The following PEX14 variants were observed in gnomAD, a reference collection of about 807,000 sequenced individuals.
PEX14 encodes peroxisomal biogenesis factor 14.
A neutral mutation model predicts 49.5 loss-of-function variants in PEX14; 15 were observed. The observed-to-expected ratio is 0.30, with a 90% CI of 0.20 to 0.47. The LOEUF (loss-of-function observed/expected upper bound fraction) is 0.47, where lower values mean the gene tolerates loss of function less well. Among genes scored for constraint, PEX14 ranks in the 20% least tolerant of loss-of-function variants. The pLI is 1.00. For missense variants in PEX14, 398 were observed against 494.8 expected, an observed-to-expected ratio of 0.80 and a Z score of 1.86; for synonymous variants, 210 against 212.7, an observed-to-expected ratio of 0.99 and a Z score of 0.11.
chr1:10,496,768 G>A (rs989892386), intron 2 of PEX14, among the ~76,000 whole-genome samples: 15 of 151,654 alleles, frequency 9.9e-5, no homozygotes, highest in African/African-American at 3.6e-4. Context: ...TTGGTTGGTT[G>A]TATTTTTATT....
At chr1:10,520,780 G>A (rs1638262443) in intron 2 of PEX14, among the ~76,000 whole-genome samples, 1 of 152,134 alleles carries the variant, frequency 6.6e-6, no homozygotes, top group African/African-American at 2.4e-5. Flanking sequence ...CCCAATTTCT[G>A]CATGTTTATG....
chr1:10,627,401 C>G, intron 8 of PEX14, 38 bp downstream of exon 8: 1 of 1,429,216 alleles, frequency 7.0e-7, no homozygotes, highest in East Asian at 2.3e-5. Context: ...CTGGTCGGGC[C>G]TGGAAAGGAG....
At chr1:10,604,129 AG>A (rs1404497884) in intron 4 of PEX14, among the ~76,000 whole-genome samples, 1 of 152,214 alleles carries the variant, frequency 6.6e-6, no homozygotes, top group East Asian at 1.9e-4. Context: ...CCCGTCTGGT[AG>A]GAAAGACGGT....
At position 10,514,392 on chromosome 1, in the gene PEX14, A is replaced by G. The variant is rs1391748545; in HGVS notation, c.84+19071A>G. 1.3e-5 allele frequency among the ~76,000 whole-genome samples: 2 copies of G among 152,224 alleles called. No individual in the cohort carries two copies. The highest frequency in any genetic ancestry group is 2.1e-4 in the South Asian group (1 of 4,830). On this transcript the variant is annotated intron_variant, in intron 2 of 8. Coordinates refer to ENST00000356607, the MANE Select transcript of PEX14 (RefSeq NM_004565.3). This position sits in a 1 kb window ranked among gnomAD's most constrained non-coding sequence, Gnocchi z 4.4. ...GAAAGATGCCATAGTGAGGTGTGCT[A>G]TACTGTGTTGTTTGTGCACGTGTGT...
chr1:10,550,270 G>A (rs149092561), intron 3 of PEX14, among the ~76,000 whole-genome samples: 6 of 152,318 alleles, frequency 3.9e-5, no homozygotes, highest in Non-Finnish European at 8.8e-5. Context: ...CTCCAAGGCA[G>A]GAAAGGAGCT....
At chr1:10,562,633 A>G (rs541970796) in intron 3 of PEX14, among the ~76,000 whole-genome samples, 3 of 152,312 alleles carry the variant, frequency 2.0e-5, no homozygotes, top group South Asian at 2.1e-4. Flanking sequence ...ATAAAAGGAC[A>G]TTGATTTTGA....
intron 3 of PEX14, among the ~76,000 whole-genome samples, chr1:10,576,759 CTT>C (rs374589674): frequency 1.0e-4 from 14 of 139,534 alleles, no homozygotes; most frequent in Admixed American, 1.4e-4. Context: ...AATTGCTGTA[CTT>C]TTTTTTTTTT....
intron 2 of PEX14, chr1:10,535,966 G>A (rs898859644): frequency 1.3e-5 from 6 of 475,568 alleles, no homozygotes; most frequent in South Asian, 2.0e-5. Flanking sequence ...AGGAAGGATC[G>A]TCGCAGGCCT....
chr1:10,616,236 C>T (rs1244845761), intron 4 of PEX14, among the ~76,000 whole-genome samples: 1 of 152,134 alleles, frequency 6.6e-6, no homozygotes, highest in African/African-American at 2.4e-5. Flanking sequence ...TTGGATCCGC[C>T]TGGTGGGGCT....
At chr1:10,536,803 A>C (rs971071191) in intron 3 of PEX14, among the ~76,000 whole-genome samples, 2 of 152,252 alleles carry the variant, frequency 1.3e-5, no homozygotes, top group East Asian at 1.9e-4. Flanking sequence ...GTATTTCTGT[A>C]AACAGGGATA....
intron 4 of PEX14, among the ~76,000 whole-genome samples, chr1:10,604,543 C>A (rs762554269): frequency 2.0e-5 from 3 of 152,012 alleles, no homozygotes; most frequent in Non-Finnish European, 2.9e-5. Context: ...CCCAGGAGAT[C>A]GAGTCTGCAG....
chr1:10,623,160 C>CT lies in PEX14; in HGVS notation c.487+41dup. 7.3e-7 allele frequency: 1 copy of CT among 1,379,150 alleles called. No homozygotes were observed. The allele number at this position is 1,379,150 out of a possible 1,614,324, so 85.4% of individuals were successfully genotyped here. A position where few individuals can be genotyped will look rare whatever the true frequency, so the allele number is the denominator to read the frequency against. ...ACTCCATCAAGTCACCCCTCACAGC[C>CT]TTCTCCAAGCAGCCCCTTCTCTGCC... On this transcript the variant is annotated intron_variant, in intron 6 of 8. Transcript: ENST00000356607. This position sits in a 1 kb window ranked among gnomAD's most constrained non-coding sequence, Gnocchi z 4.4.
chr1:10,608,739 A>G (rs1280742338), intron 4 of PEX14, among the ~76,000 whole-genome samples: 2 of 151,462 alleles, frequency 1.3e-5, no homozygotes, highest in African/African-American at 4.8e-5. Context: ...TTTAAAAAAA[A>G]ATAAAAAAAA....
rs775297789 is a variant in PEX14, at chr1:10,623,045, C to T, written c.411C>T (p.Gly137=). 15 of 1,613,382 alleles carry T rather than the reference C, an allele frequency of 9.3e-6. No individual in the cohort carries two copies. Among genetic ancestry groups the T allele is most frequent in the South Asian group, 5.5e-5 (5 of 90,960 alleles). Reference sequence around the variant, plus strand: ...AATACCTGCTCCCCCTCATCCTGGGCGGCCGAGAGGACAGAAAGCAGCTGG... The same window carrying T: ...AATACCTGCTCCCCCTCATCCTGGGTGGCCGAGAGGACAGAAAGCAGCTGG... ...YKKYLLPLIL[G]GREDRKQLER... Residue 137 remains glycine, a synonymous_variant, in exon 6 of 9, where the codon GGC becomes GGT. Transcript: ENST00000356607. This position sits in a 1 kb window ranked among gnomAD's most constrained non-coding sequence, Gnocchi z 4.4.
chr1:10,508,110 C>T (rs770620100), intron 2 of PEX14, among the ~76,000 whole-genome samples: 2 of 152,120 alleles, frequency 1.3e-5, no homozygotes, highest in Non-Finnish European at 2.9e-5. Flanking sequence ...CTCCCCCTAT[C>T]CAAACTAGTC....
chr1:10,507,080 ATTTTGGTCTCG>A (rs1557816991), intron 2 of PEX14, among the ~76,000 whole-genome samples: 5 of 152,058 alleles, frequency 3.3e-5, no homozygotes, highest in African/African-American at 9.7e-5. Flanking sequence ...TGGTGTCTTT[ATTTTGGTCTCG>A]CTGTTGGTGT....
chr1:10,575,371 A>G (rs1347841517), intron 3 of PEX14, among the ~76,000 whole-genome samples: 1 of 152,248 alleles, frequency 6.6e-6, no homozygotes, highest in Non-Finnish European at 1.5e-5. Flanking sequence ...AAATGAGAAT[A>G]TGAAATAGAT....
intron 2 of PEX14, among the ~76,000 whole-genome samples, chr1:10,516,107 CT>C (rs1241939463): frequency 6.6e-6 from 1 of 152,172 alleles, no homozygotes; most frequent in Admixed American, 6.5e-5. Context: ...CTGGAAACTC[CT>C]TTTCTGGCAG....
intron 3 of PEX14, among the ~76,000 whole-genome samples, chr1:10,585,759 A>C (rs1271156015): frequency 6.6e-6 from 1 of 152,126 alleles, no homozygotes; most frequent in Non-Finnish European, 1.5e-5. Flanking sequence ...GTCTCTATGC[A>C]GTGGTGCATG....
Sources: gnomAD v4.1 joint callset for allele counts (sites outside exome capture counted in the v4.1 genomes callset) on GRCh38, gnomAD v4.1.1 for gene constraint, Gnocchi (gnomAD v3.1) non-coding constraint, MANE v1.5 for transcripts, NCBI Gene and HGNC (gene_info 2026-07-23, HGNC 2026-07-21) for gene names.